FRK: variants seen among roughly 807,000 people sequenced by gnomAD.
The protein encoded by FRK is tyrosine-protein kinase FRK.
FRK carries 51 observed loss-of-function variants against 56.4 expected under a neutral mutation model. The ratio of observed to expected loss-of-function variants is 0.90; its 90% CI spans 0.72 to 1.14. The LOEUF is 1.14. Among genes scored for constraint, FRK ranks in the 50% most tolerant of loss-of-function variants. The probability of loss-of-function intolerance (pLI) is 0.00; values close to 1 mark genes in which losing one functional copy is unlikely to be tolerated. For synonymous variants in FRK, 245 were observed against 217.9 expected, an observed-to-expected ratio of 1.12 and a Z score of -1.10; for missense variants, 570 against 601.4, an observed-to-expected ratio of 0.95 and a Z score of 0.55.
At chr6:116,032,196 T>C (rs1401341980) in intron 1 of FRK, among the ~76,000 whole-genome samples, 1 of 152,146 alleles carries the variant, frequency 6.6e-6, no homozygotes, top group East Asian at 1.9e-4. Flanking sequence ...GTAAAAATCA[T>C]AAAGTGAAAG....
intron 1 of FRK, among the ~76,000 whole-genome samples, chr6:116,023,475 T>C (rs1473113486): frequency 5.9e-5 from 9 of 152,132 alleles, no homozygotes; most frequent in Admixed American, 6.6e-5. Flanking sequence ...TAATGATACA[T>C]ACAACAATAT....
intron 1 of FRK, among the ~76,000 whole-genome samples, chr6:116,056,211 T>TG (rs1427834504): frequency 6.6e-6 from 1 of 151,762 alleles, no homozygotes; most frequent in Non-Finnish European, 1.5e-5. Context: ...TTTTTTTTTT[T>TG]TTTTTTGGTT....
At chr6:116,100,717 G>A in the FRK span, 1 of 353,964 alleles carries the variant, frequency 2.8e-6, no homozygotes, top group South Asian at 9.4e-5. Flanking sequence ...ACTCCGGGCG[G>A]CGCAGGACGC....
intron 2 of FRK, among the ~76,000 whole-genome samples, chr6:115,990,869 G>C (rs115295078): frequency 0.014 from 2,061 of 151,948 alleles, 42 homozygotes; most frequent in African/African-American, 0.046. Flanking sequence ...GGGCAGTATA[G>C]TCATTTTAAT....
At chr6:116,069,416 G>A in the FRK span, among the ~76,000 whole-genome samples, 4 of 151,998 alleles carry the variant, frequency 2.6e-5, no homozygotes, top group South Asian at 8.3e-4. Context: ...TGCCTCTCTT[G>A]CAGTTAACTC....
the FRK span, among the ~76,000 whole-genome samples, chr6:116,084,963 T>C: frequency 6.6e-6 from 1 of 152,134 alleles, no homozygotes; most frequent in Non-Finnish European, 1.5e-5. Context: ...TAGATACCAG[T>C]GGCCTCTAAG....
chr6:116,000,223 C>CTTTT lies in FRK; in HGVS notation c.466+3650_466+3653dup, dbSNP rs561273499. Among the ~76,000 whole-genome samples, 138 of 53,070 alleles carry CTTTT rather than the reference C, an allele frequency of 2.6e-3. 19 individuals carry two copies. Among genetic ancestry groups the CTTTT allele is most frequent in the African/African-American group, 4.1e-3 (45 of 11,102 alleles). 34.8% of individuals were successfully genotyped at this position (53,070 alleles called of 152,430 possible). ...TTTCCTCATGAAAATATCATTCTTTCTTTTTTTTTTTTTTTTTTTTTTTTT... is the reference window on the plus strand; with the variant it reads ...TTTCCTCATGAAAATATCATTCTTTCTTTTTTTTTTTTTTTTTTTTTTTTTTTTT... On this transcript the variant is annotated intron_variant, in intron 2 of 7. Transcript: ENST00000606080.
the FRK span, among the ~76,000 whole-genome samples, chr6:116,072,397 G>T: frequency 6.6e-6 from 1 of 152,090 alleles, no homozygotes; most frequent in African/African-American, 2.4e-5. Context: ...GCTGTTCAAA[G>T]ATATTTCCAG....
chr6:115,985,942 C>T lies in FRK; in HGVS notation c.467-17203G>A, dbSNP rs1209616223. ...TAGAATGCTGAGTGCTTATATTATA[C>T]ATATATTTTATAGTAGACAACTTTT... On this transcript the variant is annotated intron_variant, in intron 2 of 7. Coordinates refer to ENST00000606080, the MANE Select transcript of FRK (RefSeq NM_002031.3). Among the ~76,000 whole-genome samples, 3 of 78,910 alleles carry T rather than the reference C, an allele frequency of 3.8e-5. No individual in the cohort carries two copies. The Admixed American group carries it at 4.3e-4, about 11-fold the overall frequency. 51.8% of individuals were successfully genotyped at this position (78,910 alleles called of 152,430 possible). A position where few individuals can be genotyped will look rare whatever the true frequency, so the allele number is the denominator to read the frequency against.
At chr6:116,024,342 G>T (rs1775995398) in intron 1 of FRK, among the ~76,000 whole-genome samples, 1 of 151,336 alleles carries the variant, frequency 6.6e-6, no homozygotes, top group African/African-American at 2.4e-5. Flanking sequence ...GTATACATGT[G>T]ACATGCTGGT....
intron 1 of FRK, among the ~76,000 whole-genome samples, chr6:116,034,713 A>T (rs1776405204): frequency 6.6e-6 from 1 of 152,178 alleles, no homozygotes; most frequent in Non-Finnish European, 1.5e-5. Context: ...TCTGGATTCA[A>T]ATAAACCATA....
chr6:116,078,221 G>A, the FRK span, among the ~76,000 whole-genome samples: 1 of 152,192 alleles, frequency 6.6e-6, no homozygotes, highest in Non-Finnish European at 1.5e-5. Flanking sequence ...TTACTCAGGA[G>A]TAGTGTCCCA....
intron 2 of FRK, among the ~76,000 whole-genome samples, chr6:115,995,580 G>C (rs150589692): frequency 6.6e-6 from 1 of 152,018 alleles, no homozygotes; most frequent in Non-Finnish European, 1.5e-5. Flanking sequence ...AAGTCAATAT[G>C]AGGGGTTCAC....
chr6:115,953,046 C>T (rs1049011757), intron 5 of FRK, among the ~76,000 whole-genome samples: 2 of 150,534 alleles, frequency 1.3e-5, no homozygotes, highest in African/African-American at 2.5e-5. Flanking sequence ...ACATTGTGCA[C>T]ATGTACCCTA....
chr6:116,052,189 T>G (rs1208950027), intron 1 of FRK, among the ~76,000 whole-genome samples: 1 of 152,196 alleles, frequency 6.6e-6, no homozygotes, highest in East Asian at 1.9e-4. Context: ...TTAAGTATTT[T>G]CTCCCCAGAG....
At chr6:115,968,528 G>GA in intron 3 of FRK, 48 bp downstream of exon 3, 1 of 1,576,852 alleles carries the variant, frequency 6.3e-7, no homozygotes. Context: ...ATATCTGAAG[G>GA]AAAAAAGTTA....
At chr6:116,028,432 G>T (rs1776179815) in intron 1 of FRK, among the ~76,000 whole-genome samples, 2 of 152,072 alleles carry the variant, frequency 1.3e-5, no homozygotes. Flanking sequence ...CTGTAACAAA[G>T]CACTACAAAT....
At chr6:116,042,363 C>T (rs113028891) in intron 1 of FRK, among the ~76,000 whole-genome samples, 1 of 152,300 alleles carries the variant, frequency 6.6e-6, no homozygotes, top group African/African-American at 2.4e-5. Context: ...CAAAGGGAGG[C>T]CCACTAGACT....
intron 5 of FRK, among the ~76,000 whole-genome samples, chr6:115,951,100 A>G (rs879578926): frequency 2.0e-5 from 3 of 152,308 alleles, no homozygotes; most frequent in South Asian, 4.1e-4. Context: ...GCAAAGCACC[A>G]TTGCATGTGT....
Sources: gnomAD v4.1 joint callset for allele counts (sites outside exome capture counted in the v4.1 genomes callset) on GRCh38, gnomAD v4.1.1 for gene constraint, MANE v1.5 for transcripts, NCBI Gene and HGNC (gene_info 2026-07-23, HGNC 2026-07-21) for gene names.